The following CPT1A variants were observed in gnomAD, a reference collection of about 807,000 sequenced individuals.
CPT1A encodes the protein carnitine O-palmitoyltransferase 1, liver isoform.
A neutral mutation model predicts 100.8 loss-of-function variants in CPT1A; 64 were observed. That is an observed-to-expected ratio of 0.63 (90% CI 0.52 to 0.78). CPT1A has a LOEUF of 0.78. Ranked by LOEUF, CPT1A falls within the 30% of genes least tolerant of loss-of-function variation. The pLI, the probability that CPT1A is intolerant of heterozygous loss-of-function variation, is 0.00. For synonymous variants in CPT1A, 363 were observed against 396.0 expected (o/e 0.92, Z 0.99); for missense variants, 802 against 1,034.1 (o/e 0.78, Z 3.08).
chr11:68,812,992 T>G (rs1856260098), intron 2 of CPT1A, among the ~76,000 whole-genome samples: 1 of 151,282 alleles, frequency 6.6e-6, no homozygotes, highest in African/African-American at 2.4e-5. Context: ...AAGGGCTGCT[T>G]AACCCTGAAG....
At chr11:68,780,347 A>T (rs908550453) in intron 12 of CPT1A, among the ~76,000 whole-genome samples, 1 of 152,184 alleles carries the variant, frequency 6.6e-6, no homozygotes, top group Non-Finnish European at 1.5e-5. Context: ...CAGTGGCACG[A>T]TCTCGGCTCA....
intron 3 of CPT1A, among the ~76,000 whole-genome samples, chr11:68,808,678 G>C (rs955454701): frequency 1.2e-4 from 18 of 151,890 alleles, no homozygotes; most frequent in Non-Finnish European, 2.2e-4. Flanking sequence ...CAGAAATGCA[G>C]CTATTTTGTG....
intron 2 of CPT1A, among the ~76,000 whole-genome samples, chr11:68,814,084 G>A (rs899814635): frequency 3.3e-5 from 5 of 152,220 alleles, no homozygotes; most frequent in South Asian, 4.1e-4. Flanking sequence ...GGGCTGGCAG[G>A]GGGGTCAGCG....
chr11:68,831,702 C>T (rs1489338440), intron 1 of CPT1A, among the ~76,000 whole-genome samples: 2 of 150,040 alleles, frequency 1.3e-5, no homozygotes, highest in South Asian at 2.1e-4. Context: ...GACATGATCT[C>T]GGCTCACAGC....
chr11:68,816,189 C>G (rs760690883), intron 1 of CPT1A, among the ~76,000 whole-genome samples: 1 of 152,234 alleles, frequency 6.6e-6, no homozygotes, highest in Non-Finnish European at 1.5e-5. Flanking sequence ...AAGGAGCCCA[C>G]GACAGCCCTA....
intron 1 of CPT1A, among the ~76,000 whole-genome samples, chr11:68,825,970 T>G (rs1009534176): frequency 2.0e-5 from 3 of 152,042 alleles, no homozygotes; most frequent in African/African-American, 7.2e-5. Flanking sequence ...CCTCACTCAC[T>G]CCAGACACAG....
At chr11:68,778,781 A>G (rs1324759189) in intron 12 of CPT1A, among the ~76,000 whole-genome samples, 1 of 151,982 alleles carries the variant, frequency 6.6e-6, no homozygotes. Context: ...CAAGTTTACT[A>G]CTAATTTCTT....
Position 68,817,797 on chromosome 11 carries a change from GGGGTCAAGGGCAGGGTGTC to G in CPT1A, c.-13-2329_-13-2311del, listed in dbSNP as rs1206034531. 2.2e-3 allele frequency among the ~76,000 whole-genome samples: 328 copies of G among 150,688 alleles called. 1 individual carries two copies. The highest frequency in any genetic ancestry group is 7.7e-3 in the African/African-American group (315 of 40,818). ...CAGCTAAGGTCAAGAGCAGGCCAGC[GGGGTCAAGGGCAGGGTGTC>G]GGGTCAAAAGCAGGTGTCTGGGGTC... On this transcript the variant is annotated intron_variant, in intron 1 of 18. Coordinates refer to ENST00000265641, the MANE Select transcript of CPT1A (RefSeq NM_001876.4).
intron 12 of CPT1A, among the ~76,000 whole-genome samples, chr11:68,776,962 A>G (rs1373953221): frequency 1.3e-5 from 2 of 152,194 alleles, no homozygotes; most frequent in African/African-American, 2.4e-5. Context: ...AAACAACAAC[A>G]CAAGGTCGGG....
intron 14 of CPT1A, among the ~76,000 whole-genome samples, chr11:68,764,918 A>G (rs968295389): frequency 2.2e-4 from 33 of 152,194 alleles, no homozygotes; most frequent in African/African-American, 8.0e-4. Context: ...GATCCCCCCA[A>G]CGTAGCTGGC....
At chr11:68,828,588 C>T (rs559646984) in intron 1 of CPT1A, among the ~76,000 whole-genome samples, 21 of 152,298 alleles carry the variant, frequency 1.4e-4, no homozygotes, top group East Asian at 3.9e-4. Flanking sequence ...AGCCCCAGCA[C>T]GCTGGGAGAA....
At chr11:68,779,590 G>A (rs1183644609) in intron 12 of CPT1A, among the ~76,000 whole-genome samples, 1 of 151,608 alleles carries the variant, frequency 6.6e-6, no homozygotes, top group Non-Finnish European at 1.5e-5. Flanking sequence ...GTGCCCAGGA[G>A]TTCAAGACCA....
At position 68,756,679 on chromosome 11, in the gene CPT1A, C is replaced by A. The variant is rs796270955; in HGVS notation, c.*965G>T. On this transcript the variant is annotated 3_prime_UTR_variant, in exon 19 of 19. Coordinates refer to ENST00000265641, the MANE Select transcript of CPT1A (RefSeq NM_001876.4). ...TTGGGAAAGAGATCCTCCTGAGGCA[C>A]GTGTCATGTTTTATTCTTGAGTGAA... The A allele has an allele frequency of 6.6e-6, 1 of 152,252 alleles. No individual in the cohort carries two copies. Among genetic ancestry groups the A allele is most frequent in the Non-Finnish European group, 1.5e-5 (1 of 68,068 alleles). 9.4% of individuals were successfully genotyped at this position (152,252 alleles called of 1,614,324 possible). A position where few individuals can be genotyped will look rare whatever the true frequency, so the allele number is the denominator to read the frequency against.
intron 12 of CPT1A, among the ~76,000 whole-genome samples, chr11:68,778,479 T>C (rs1010880403): frequency 2.0e-5 from 3 of 152,120 alleles, no homozygotes; most frequent in African/African-American, 7.2e-5. Context: ...GCTCATGCCA[T>C]AATCCCAGCA....
At position 68,811,379 on chromosome 11, in the gene CPT1A, C is replaced by T. The variant is rs534443906; in HGVS notation, c.281+1058G>A. On this transcript the variant is annotated intron_variant, in intron 3 of 18. Transcript: ENST00000265641. ...TGGCACGGGGCAGCAGGGACACTTC[C>T]GAGACACTGTGGAGCTTTCAGACCC... is the stretch of plus-strand genomic sequence containing the variant. Among the ~76,000 whole-genome samples the T allele has an allele frequency of 5.3e-5, 8 of 152,292 alleles. No individual in the cohort carries two copies. The South Asian group carries it at 1.4e-3, about 28-fold the overall frequency.
At chr11:68,838,587 A>AAAAAAAAAAC (rs1394327209) in intron 1 of CPT1A, among the ~76,000 whole-genome samples, 2 of 144,394 alleles carry the variant, frequency 1.4e-5, no homozygotes, top group African/African-American at 2.7e-5. Flanking sequence ...AAAAAAAAAA[A>AAAAAAAAAAC]AAAACAGAGA....
intron 1 of CPT1A, among the ~76,000 whole-genome samples, chr11:68,820,897 G>A (rs1003120116): frequency 2.0e-5 from 3 of 152,196 alleles, no homozygotes; most frequent in East Asian, 3.9e-4. Context: ...AATCTGAGGG[G>A]GACTAGTTGC....
intron 14 of CPT1A, among the ~76,000 whole-genome samples, chr11:68,763,613 C>T (rs935767346): frequency 4.6e-5 from 7 of 152,054 alleles, no homozygotes; most frequent in Non-Finnish European, 7.4e-5. Flanking sequence ...GGCAGATGCA[C>T]AGGGAAGGTC....
In CPT1A at chr11:68,812,551, G is replaced by A. The variant is rs1249954316; in HGVS notation, c.167C>T (p.Pro56Leu). The A allele has an allele frequency of 3.1e-6, 5 of 1,614,034 alleles. No homozygotes were observed. Among genetic ancestry groups the A allele is most frequent in the South Asian group, 1.1e-5 (1 of 91,088 alleles). The change falls in exon 3 of 19, where the codon CCG becomes CTG. Residue 56 changes from proline (P) to leucine (L), a missense_variant. By Grantham distance (98) the Pro-to-Leu change is moderately conservative. Around this residue, in one of 4 missense-constraint regions of CPT1A, gnomAD observed 161 missense variants for 183.7 expected, o/e 0.88. Coordinates refer to ENST00000265641, the MANE Select transcript of CPT1A (RefSeq NM_001876.4). ...FKNGIITGVY[P>L]ASPSSWLIVV... is the part of the protein sequence containing the mutation. The stretch of plus-strand genomic sequence containing the variant: ...GATAAGCCAACTGGAGGGGCTTGCC[G>A]GGTACACGCCAGTGATGATGCCGTT...
Sources: allele counts gnomAD v4.1 joint callset (sites outside exome capture counted in the v4.1 genomes callset), GRCh38; gene constraint gnomAD v4.1.1; regional missense constraint gnomAD v4.1.1; transcripts MANE v1.5; gene names NCBI Gene and HGNC (gene_info 2026-07-23, HGNC 2026-07-21).